The following ZFHX3 variants were observed in gnomAD, a reference collection of about 807,000 sequenced individuals.
ZFHX3 encodes zinc finger homeobox protein 3.
A neutral mutation model predicts 279.1 loss-of-function variants in ZFHX3; 42 were observed. The ratio of observed to expected loss-of-function variants is 0.15; its 90% CI spans 0.12 to 0.19. ZFHX3 has a LOEUF of 0.19. ZFHX3 is among the 10% of genes least tolerant of loss of function. The pLI is 1.00. For missense variants in ZFHX3, 4,981 were observed against 4,754.0 expected (o/e 1.05, Z -1.40); for synonymous variants, 2,293 against 1,957.8 (o/e 1.17, Z -4.52).
At chr16:73,781,397 C>T (rs772829715) in intron 1 of ZFHX3, among the ~76,000 whole-genome samples, 3 of 152,146 alleles carry the variant, frequency 2.0e-5, no homozygotes, top group Non-Finnish European at 4.4e-5. Context: ...TCCTGCATCA[C>T]ACTTTGGGAA....
intron 3 of ZFHX3, among the ~76,000 whole-genome samples, chr16:73,377,809 A>C (rs2016747537): frequency 6.6e-6 from 1 of 151,524 alleles, no homozygotes; most frequent in South Asian, 2.1e-4. Flanking sequence ...TGAGGCGGGC[A>C]GATCACGAGG....
chr16:73,631,614 T>C (rs11149939), intron 2 of ZFHX3, among the ~76,000 whole-genome samples: 12,583 of 152,244 alleles, frequency 0.083, 697 homozygotes, highest in Middle Eastern at 0.13. Context: ...AAAAGTGCTT[T>C]GCATCTCTGG....
intron 4 of ZFHX3, among the ~76,000 whole-genome samples, chr16:72,877,307 C>T (rs1028161492): frequency 6.6e-6 from 1 of 152,150 alleles, no homozygotes; most frequent in Admixed American, 6.5e-5. Context: ...TCTGGACTCG[C>T]AGCGCTGGGG....
chr16:73,315,433 C>G (rs974938734), intron 4 of ZFHX3, among the ~76,000 whole-genome samples: 6 of 152,100 alleles, frequency 3.9e-5, no homozygotes, highest in South Asian at 2.1e-4. Flanking sequence ...GAAAATCGCT[C>G]TTGATATTCT....
At chr16:73,387,198 G>C (rs1439390443) in intron 3 of ZFHX3, 1 of 152,196 alleles carries the variant, frequency 6.6e-6, no homozygotes, top group African/African-American at 2.4e-5. Context: ...CAACTGACAA[G>C]CTTCTGAAGT....
In ZFHX3 at chr16:73,281,012, A is replaced by AAGGAGAGGAGAGGAG. The variant is rs771122415; in HGVS notation, c.-1193-23891_-1193-23877dup. Among the ~76,000 whole-genome samples, 43 of 92,952 alleles carry AAGGAGAGGAGAGGAG rather than the reference A, an allele frequency of 4.6e-4. 1 individual carries two copies. The highest frequency in any genetic ancestry group is 6.4e-4 in the Non-Finnish European group (32 of 49,774). 61.0% of individuals were successfully genotyped at this position (92,952 alleles called of 152,430 possible). On this transcript the variant is annotated intron_variant, in intron 4 of 17. Transcript: ENST00000641206. ...AGAAAGAAAGAGGGAAATGAAGGGA[A>AAGGAGAGGAGAGGAG]AGGAGAGGAGAGGAGAGGGGAGGGG...
chr16:73,613,680 T>C (rs192100634), intron 2 of ZFHX3, among the ~76,000 whole-genome samples: 17 of 152,344 alleles, frequency 1.1e-4, no homozygotes, highest in Admixed American at 7.2e-4. Context: ...TGGAGTATTA[T>C]AGCTACTTTG....
intron 1 of ZFHX3, among the ~76,000 whole-genome samples, chr16:73,714,424 C>T (rs1325668072): frequency 2.0e-5 from 3 of 152,112 alleles, no homozygotes; most frequent in Non-Finnish European, 4.4e-5. Context: ...CAGATGCTTT[C>T]TCTACAGAGA....
chr16:73,529,948 T>TGC (rs1315513640), intron 2 of ZFHX3, among the ~76,000 whole-genome samples: 1 of 151,940 alleles, frequency 6.6e-6, no homozygotes, highest in Non-Finnish European at 1.5e-5. Context: ...TGTGTGTGTG[T>TGC]GTTGGGGTGG....
At position 73,717,348 on chromosome 16, in the gene ZFHX3, C is replaced by A. The variant is rs79626781; in HGVS notation, c.-1607-37108G>T. Among the ~76,000 whole-genome samples the A allele has an allele frequency of 6.3e-3, 959 of 152,266 alleles. 11 individuals carry two copies. The highest frequency in any genetic ancestry group is 0.022 in the African/African-American group (923 of 41,514). On this transcript the variant is annotated intron_variant, in intron 1 of 17. Transcript: ENST00000641206. ...GACCACCCACCTGTAACAGAGACCA[C>A]CGATTCCCATTTGACTTATTCCCTT...
At chr16:73,036,506 C>A (rs1384765380) in intron 1 of ZFHX3, among the ~76,000 whole-genome samples, 1 of 152,082 alleles carries the variant, frequency 6.6e-6, no homozygotes, top group Non-Finnish European at 1.5e-5. Context: ...TGATACGCTT[C>A]CACTTCTGTG....
chr16:73,448,685 C>CATGTGTGT (rs1555517513), intron 3 of ZFHX3, among the ~76,000 whole-genome samples: 2 of 142,154 alleles, frequency 1.4e-5, no homozygotes, highest in South Asian at 2.3e-4. Context: ...TATTTATATA[C>CATGTGTGT]GTGTGTGTGT....
Position 73,589,405 on chromosome 16 carries a change from T to G in ZFHX3, c.-1547+90775A>C, listed in dbSNP as rs2051967222. ...GTGCTATGATCACACTACTATACTC[T>G]AAACTGGGCAGCAGAGCAAGACGCT... On this transcript the variant is annotated intron_variant, in intron 2 of 17. Coordinates refer to the ZFHX3 transcript ENST00000641206. 2.9e-5 allele frequency among the ~76,000 whole-genome samples: 4 copies of G among 139,834 alleles called. No homozygotes were observed. In the Admixed American group the frequency reaches 3.0e-4, roughly 10 times the overall value. The allele number at this position is 139,834 out of a possible 152,430, so 91.7% of individuals were successfully genotyped here. A position where few individuals can be genotyped will look rare whatever the true frequency, so the allele number is the denominator to read the frequency against.
intron 3 of ZFHX3, among the ~76,000 whole-genome samples, chr16:72,897,402 C>T (rs927994022): frequency 6.7e-6 from 1 of 149,054 alleles, no homozygotes; most frequent in African/African-American, 2.5e-5. Context: ...CATATGCATG[C>T]AGAGCATTTA....
chr16:73,754,907 C>T (rs995930879), intron 1 of ZFHX3, among the ~76,000 whole-genome samples: 3 of 152,164 alleles, frequency 2.0e-5, no homozygotes, highest in Non-Finnish European at 4.4e-5. Flanking sequence ...CTTTTCCCCC[C>T]AAACCCAAGA....
chr16:73,522,304 A>G (rs2019620726), intron 2 of ZFHX3, among the ~76,000 whole-genome samples: 1 of 152,234 alleles, frequency 6.6e-6, no homozygotes, highest in South Asian at 2.1e-4. Context: ...CCTTTGAAGC[A>G]TTATTGTGAA....
intron 1 of ZFHX3, among the ~76,000 whole-genome samples, chr16:73,003,451 G>A (rs1350219505): frequency 6.6e-6 from 1 of 151,908 alleles, no homozygotes; most frequent in Non-Finnish European, 1.5e-5. Context: ...ACTTTGGGAG[G>A]CCAAGGTGGG....
intron 5 of ZFHX3, among the ~76,000 whole-genome samples, chr16:73,249,745 C>A (rs535001302): frequency 6.6e-6 from 1 of 150,580 alleles, no homozygotes; most frequent in African/African-American, 2.4e-5. Context: ...GTATCTTCAG[C>A]AAATAGTACT....
chr16:73,683,017 G>GAAA (rs1567550874), intron 1 of ZFHX3, among the ~76,000 whole-genome samples: 19 of 148,584 alleles, frequency 1.3e-4, no homozygotes, highest in African/African-American at 4.7e-4. Flanking sequence ...GAAAGAGAAA[G>GAAA]GAGGGAGGGA....
Sources: allele counts gnomAD v4.1 joint callset (sites outside exome capture counted in the v4.1 genomes callset), GRCh38; gene constraint gnomAD v4.1.1; transcripts MANE v1.5; gene names NCBI Gene and HGNC (gene_info 2026-07-23, HGNC 2026-07-21).